Variants in STT3B observed in about 807,000 individuals in gnomAD.
STT3B encodes the protein STT3 oligosaccharyltransferase complex catalytic subunit B.
STT3B carries 29 observed loss-of-function variants against 96.8 expected under a neutral mutation model. The ratio of observed to expected loss-of-function variants is 0.30; its 90% CI spans 0.22 to 0.41. The LOEUF is 0.41. STT3B is among the 10% of genes least tolerant of loss of function. The pLI is 1.00. For missense variants in STT3B, 640 were observed against 1,022.3 expected (o/e 0.63, Z 5.10); for synonymous variants, 367 against 360.0 (o/e 1.02, Z -0.22).
At chr3:31,570,204 AAAGT>A (rs1490838282) in intron 1 of STT3B, among the ~76,000 whole-genome samples, 1 of 152,206 alleles carries the variant, frequency 6.6e-6, no homozygotes, top group Non-Finnish European at 1.5e-5. Flanking sequence ...GACAAAAATT[AAAGT>A]AAGTGTTGAT....
intron 3 of STT3B, among the ~76,000 whole-genome samples, chr3:31,582,052 G>T (rs917721964): frequency 6.6e-6 from 1 of 152,088 alleles, no homozygotes; most frequent in African/African-American, 2.4e-5. Context: ...CCCGCTTTCT[G>T]ATTTTAGTGA....
At chr3:31,551,964 G>C (rs1387769940) in intron 1 of STT3B, among the ~76,000 whole-genome samples, 3 of 152,080 alleles carry the variant, frequency 2.0e-5, no homozygotes, top group Non-Finnish European at 4.4e-5. Flanking sequence ...TAACCTCAAG[G>C]AAGTGAATTC....
chr3:31,579,820 G>A lies in STT3B; in HGVS notation c.435G>A (p.Gly145=), dbSNP rs774317196. ...TTTTTTCTTCCTAGGTTTACCCAGG[G>A]TTGATGATAACCGCTGGCCTTATTC... ...GRIVGGTVYP[G]LMITAGLIHW... is the part of the protein sequence containing the mutation. The change falls in exon 3 of 16, where the codon GGG becomes GGA. Residue 145 remains glycine, a synonymous_variant. Transcript: ENST00000295770. 6.2e-7 allele frequency: 1 copy of A among 1,611,296 alleles called. No individual in the cohort carries two copies. The highest frequency in any genetic ancestry group is 8.5e-7 in the Non-Finnish European group (1 of 1,178,236).
intron 1 of STT3B, among the ~76,000 whole-genome samples, chr3:31,538,227 T>C (rs1016479896): frequency 1.3e-5 from 2 of 152,230 alleles, no homozygotes; most frequent in Non-Finnish European, 2.9e-5. Context: ...TACTATGATA[T>C]GAAGAATGCC....
At chr3:31,626,148 A>G (rs772833578) in intron 13 of STT3B, 21 bp downstream of exon 13, 1 of 1,602,688 alleles carries the variant, frequency 6.2e-7, no homozygotes, top group Non-Finnish European at 8.5e-7. Flanking sequence ...AGATAATTCC[A>G]GGTATGTGAA....
chr3:31,629,625 A>G (rs1699609888), intron 14 of STT3B, among the ~76,000 whole-genome samples: 1 of 152,146 alleles, frequency 6.6e-6, no homozygotes, highest in African/African-American at 2.4e-5. Context: ...TTTCTAACAT[A>G]TTTATTAACA....
At chr3:31,598,830 A>T (rs1295453766) in intron 4 of STT3B, among the ~76,000 whole-genome samples, 3 of 148,626 alleles carry the variant, frequency 2.0e-5, no homozygotes, top group African/African-American at 7.5e-5. Flanking sequence ...TTTTTTTGAG[A>T]TGGAGTTTCG....
chr3:31,564,928 A>T (rs139730083), intron 1 of STT3B, among the ~76,000 whole-genome samples: 1 of 152,230 alleles, frequency 6.6e-6, no homozygotes, highest in African/African-American at 2.4e-5. Context: ...AATTTATTCA[A>T]ATCAAAATAC....
In STT3B at chr3:31,637,273, T is replaced by A. The variant is rs779568223; in HGVS notation, c.*1209T>A. Reference sequence around the variant, plus strand: ...TCCTGCCACAGGATATAACTTTTTTTTATATAACAAGCATAACACACCACT... The same window carrying A: ...TCCTGCCACAGGATATAACTTTTTTATATATAACAAGCATAACACACCACT... On this transcript the variant is annotated 3_prime_UTR_variant, in exon 16 of 16. Coordinates refer to ENST00000295770, the MANE Select transcript of STT3B (RefSeq NM_178862.3). 1.3e-5 allele frequency: 2 copies of A among 152,186 alleles called. No individual in the cohort carries two copies. The highest frequency in any genetic ancestry group is 6.5e-5 in the Admixed American group (1 of 15,286). The allele number at this position is 152,186 out of a possible 1,614,324, so 9.4% of individuals were successfully genotyped here. A position where few individuals can be genotyped will look rare whatever the true frequency, so the allele number is the denominator to read the frequency against.
intron 3 of STT3B, among the ~76,000 whole-genome samples, chr3:31,580,526 G>T (rs1279821422): frequency 6.6e-6 from 1 of 151,850 alleles, no homozygotes; most frequent in African/African-American, 2.4e-5. Flanking sequence ...ATGCTACTTG[G>T]GTTCACTTTA....
chr3:31,562,704 G>A (rs1026930009), intron 1 of STT3B, among the ~76,000 whole-genome samples: 1 of 152,178 alleles, frequency 6.6e-6, no homozygotes. Flanking sequence ...CCCTCAAGTG[G>A]CTGTAAGCAA....
At chr3:31,633,973 C>T (rs896578990) in intron 15 of STT3B, among the ~76,000 whole-genome samples, 2 of 152,114 alleles carry the variant, frequency 1.3e-5, no homozygotes, top group Non-Finnish European at 2.9e-5. Context: ...ACTGTCTTAA[C>T]TCTTTGTTAC....
intron 1 of STT3B, among the ~76,000 whole-genome samples, chr3:31,549,567 G>C (rs1216890557): frequency 6.6e-6 from 1 of 151,924 alleles, no homozygotes; most frequent in Non-Finnish European, 1.5e-5. Context: ...TATGGATAAT[G>C]CTTGTTAGTT....
intron 5 of STT3B, among the ~76,000 whole-genome samples, chr3:31,605,425 C>T (rs1699028470): frequency 6.6e-6 from 1 of 151,974 alleles, no homozygotes; most frequent in South Asian, 2.1e-4. Flanking sequence ...TCCCATAATT[C>T]CCATGTGTTG....
chr3:31,609,663 C>T lies in STT3B; in HGVS notation c.878-5442C>T, dbSNP rs185835034. Among the ~76,000 whole-genome samples, 5 of 152,224 alleles carry T rather than the reference C, an allele frequency of 3.3e-5. No individual in the cohort carries two copies. The South Asian group carries it at 8.3e-4, about 25-fold the overall frequency. Reference sequence around the variant, plus strand: ...AGGCTGGAGTGCAGTGGTGCCATCTCGGTTCACTGCAACCTCTGCCTCCTG... The same window carrying T: ...AGGCTGGAGTGCAGTGGTGCCATCTTGGTTCACTGCAACCTCTGCCTCCTG... On this transcript the variant is annotated intron_variant, in intron 5 of 15. Coordinates refer to ENST00000295770, the MANE Select transcript of STT3B (RefSeq NM_178862.3).
intron 5 of STT3B, among the ~76,000 whole-genome samples, chr3:31,612,354 A>G (rs1310010171): frequency 1.3e-5 from 2 of 152,180 alleles, no homozygotes; most frequent in Non-Finnish European, 2.9e-5. Context: ...TTAAAAGTAA[A>G]TGCTTATGTT....
chr3:31,555,283 C>G (rs1323283476), intron 1 of STT3B, among the ~76,000 whole-genome samples: 3 of 152,118 alleles, frequency 2.0e-5, no homozygotes, highest in Admixed American at 1.3e-4. Flanking sequence ...TTCAAATCCT[C>G]TTGTTATTCT....
chr3:31,631,029 G>A (rs1313730611), intron 14 of STT3B, among the ~76,000 whole-genome samples: 2 of 152,124 alleles, frequency 1.3e-5, no homozygotes, highest in South Asian at 4.1e-4. Flanking sequence ...ATCTGACCTC[G>A]TGATCCCCCT....
chr3:31,592,565 G>T (rs765431962), intron 3 of STT3B, among the ~76,000 whole-genome samples: 1 of 152,090 alleles, frequency 6.6e-6, no homozygotes, highest in Non-Finnish European at 1.5e-5. Context: ...CTGCACAAAG[G>T]TTTAATTTTT....
Sources: gnomAD v4.1 joint callset for allele counts (sites outside exome capture counted in the v4.1 genomes callset) on GRCh38, gnomAD v4.1.1 for gene constraint, MANE v1.5 for transcripts, NCBI Gene and HGNC (gene_info 2026-07-23, HGNC 2026-07-21) for gene names.